Variants in NEGR1 observed in about 807,000 individuals in gnomAD.
NEGR1 encodes neuronal growth regulator 1, also known as IgLON family member 4.
NEGR1 carries 10 observed loss-of-function variants against 40.9 expected under a neutral mutation model. The ratio of observed to expected loss-of-function variants is 0.24; its 90% CI spans 0.15 to 0.42. The LOEUF is 0.42. NEGR1 is among the 10% of genes least tolerant of loss of function. NEGR1 has a pLI of 1.00. For synonymous variants in NEGR1, 185 were observed against 166.8 expected, an observed-to-expected ratio of 1.11 and a Z score of -0.84; for missense variants, 352 against 438.9, an observed-to-expected ratio of 0.80 and a Z score of 1.77.
intron 1 of NEGR1, among the ~76,000 whole-genome samples, chr1:71,947,736 C>T (rs1383422862): frequency 6.6e-5 from 10 of 151,288 alleles, no homozygotes; most frequent in Non-Finnish European, 5.9e-5. Context: ...GGAACCAGAA[C>T]CAGTCAAAAT....
chr1:72,200,534 T>G (rs992923376), intron 1 of NEGR1, among the ~76,000 whole-genome samples: 4 of 151,900 alleles, frequency 2.6e-5, no homozygotes, highest in African/African-American at 9.7e-5. Flanking sequence ...AGGCTACGTA[T>G]TGAGCACTAT....
At chr1:71,526,639 G>A (rs1172344341) in intron 6 of NEGR1, among the ~76,000 whole-genome samples, 1 of 151,266 alleles carries the variant, frequency 6.6e-6, no homozygotes, top group African/African-American at 2.4e-5. Context: ...AATAATTCTT[G>A]AATTAGTTCC....
At chr1:71,410,218 C>T (rs1314840841) in intron 6 of NEGR1, among the ~76,000 whole-genome samples, 2 of 151,984 alleles carry the variant, frequency 1.3e-5, no homozygotes, top group East Asian at 1.9e-4. Context: ...GGGGATGAAT[C>T]GTTAGCTTGC....
At chr1:71,944,133 A>G (rs1014822723) in intron 1 of NEGR1, among the ~76,000 whole-genome samples, 3 of 152,220 alleles carry the variant, frequency 2.0e-5, no homozygotes, top group Non-Finnish European at 4.4e-5. Context: ...GAAGGGCTTC[A>G]AGATTTTTGA....
At chr1:71,704,387 A>T (rs992417639) in intron 3 of NEGR1, among the ~76,000 whole-genome samples, 1 of 151,998 alleles carries the variant, frequency 6.6e-6, no homozygotes, top group Non-Finnish European at 1.5e-5. Context: ...ACTAAAATGG[A>T]TAAATCTTAA....
intron 3 of NEGR1, among the ~76,000 whole-genome samples, chr1:71,747,948 T>C (rs1380478915): frequency 6.6e-6 from 1 of 152,128 alleles, no homozygotes; most frequent in African/African-American, 2.4e-5. Flanking sequence ...CCAGGTTCTT[T>C]CAAATCCAAT....
intron 6 of NEGR1, among the ~76,000 whole-genome samples, chr1:71,462,527 C>CA (rs1646720583): frequency 6.6e-6 from 1 of 150,410 alleles, no homozygotes; most frequent in Non-Finnish European, 1.5e-5. Flanking sequence ...AGCATCAGGC[C>CA]AATCATAGAA....
intron 1 of NEGR1, among the ~76,000 whole-genome samples, chr1:71,936,942 G>A (rs1187027065): frequency 6.6e-6 from 1 of 152,162 alleles, no homozygotes; most frequent in Non-Finnish European, 1.5e-5. Flanking sequence ...TTTCTTAAAT[G>A]AGTACAAAGC....
chr1:71,930,132 A>G (rs958374178), intron 2 of NEGR1, among the ~76,000 whole-genome samples: 2 of 152,000 alleles, frequency 1.3e-5, no homozygotes, highest in African/African-American at 4.8e-5. Context: ...TTGGAATGGC[A>G]TCTTATTGAA....
At chr1:72,194,594 A>T (rs77981245) in intron 1 of NEGR1, among the ~76,000 whole-genome samples, 120 of 152,122 alleles carry the variant, frequency 7.9e-4, no homozygotes, top group African/African-American at 2.7e-3. Flanking sequence ...AAGCTCCTTA[A>T]CCTCACAGTA....
intron 2 of NEGR1, among the ~76,000 whole-genome samples, chr1:71,798,850 A>G (rs761715507): frequency 6.6e-6 from 1 of 152,082 alleles, no homozygotes; most frequent in Non-Finnish European, 1.5e-5. Context: ...AATCCCTTTA[A>G]TCCCCTATTT....
At chr1:71,778,997 T>C (rs1656608233) in intron 2 of NEGR1, among the ~76,000 whole-genome samples, 1 of 152,126 alleles carries the variant, frequency 6.6e-6, no homozygotes, top group Non-Finnish European at 1.5e-5. Flanking sequence ...TGACATGTCA[T>C]TCTCAGTGAT....
intron 1 of NEGR1, among the ~76,000 whole-genome samples, chr1:72,053,478 C>T (rs1416722091): frequency 6.6e-6 from 1 of 150,780 alleles, no homozygotes; most frequent in African/African-American, 2.4e-5. Flanking sequence ...TATACTCTTG[C>T]CAGTTAAATT....
At chr1:72,182,424 T>A (rs1024157756) in intron 1 of NEGR1, among the ~76,000 whole-genome samples, 3 of 151,886 alleles carry the variant, frequency 2.0e-5, no homozygotes, top group Admixed American at 6.6e-5. Flanking sequence ...ACCCGGGGGG[T>A]GGAGGTTGCA....
At chr1:71,778,022 G>C (rs777910347) in intron 2 of NEGR1, among the ~76,000 whole-genome samples, 1 of 151,846 alleles carries the variant, frequency 6.6e-6, no homozygotes, top group Non-Finnish European at 1.5e-5. Flanking sequence ...AATTACCCTA[G>C]AAGGAAAGTA....
At chr1:71,505,506 C>A (rs1647026250) in intron 6 of NEGR1, among the ~76,000 whole-genome samples, 1 of 152,090 alleles carries the variant, frequency 6.6e-6, no homozygotes, top group South Asian at 2.1e-4. Context: ...TGGTCTCAAT[C>A]TCCTGACCTC....
At chr1:71,451,516 A>G (rs1315921485) in intron 6 of NEGR1, among the ~76,000 whole-genome samples, 1 of 151,908 alleles carries the variant, frequency 6.6e-6, no homozygotes, top group East Asian at 1.9e-4. Flanking sequence ...TTGTATTTTT[A>G]GTAGAGACAG....
intron 1 of NEGR1, among the ~76,000 whole-genome samples, chr1:72,058,414 G>T (rs748418391): frequency 6.6e-6 from 1 of 151,442 alleles, no homozygotes; most frequent in East Asian, 1.9e-4. Flanking sequence ...CAAGTCAAAG[G>T]GTTCTATGAG....
At chr1:71,502,617 C>G (rs1647006720) in intron 6 of NEGR1, among the ~76,000 whole-genome samples, 1 of 152,048 alleles carries the variant, frequency 6.6e-6, no homozygotes, top group South Asian at 2.1e-4. Context: ...TTTAAGTGGC[C>G]CACTCTGTCT....
Sources: gnomAD v4.1 joint callset for allele counts (sites outside exome capture counted in the v4.1 genomes callset) on GRCh38, gnomAD v4.1.1 for gene constraint, MANE v1.5 for transcripts, NCBI Gene and HGNC (gene_info 2026-07-23, HGNC 2026-07-21) for gene names.